PBX1: variants seen among roughly 807,000 people sequenced by gnomAD.
PBX1 encodes the protein PBX homeobox 1.
Under a neutral mutation model 53.4 loss-of-function variants are expected in PBX1, and 6 were observed. The observed-to-expected ratio is 0.11, with a 90% CI of 0.06 to 0.22. The LOEUF is 0.22. Among genes scored for constraint, PBX1 ranks in the 10% least tolerant of loss-of-function variants. The pLI is 1.00. For synonymous variants in PBX1, 204 were observed against 212.3 expected (o/e 0.96, Z 0.34); for missense variants, 251 against 551.4 (o/e 0.46, Z 5.46).
chr1:164,799,739 G>A lies in PBX1; in HGVS notation c.551G>A (p.Arg184Gln). 6.2e-7 allele frequency: 1 copy of A among 1,613,984 alleles called. No individual in the cohort carries two copies. Among genetic ancestry groups the A allele is most frequent in the Non-Finnish European group, 8.5e-7 (1 of 1,179,882 alleles). ...EFTTHVMNLL[R>Q]EQSRTRPISP... is the part of the protein sequence containing the mutation. ...ACCACCCACGTGATGAATCTCCTGC[G>A]AGAGCAAAGCCGGACCAGGCCCATC... Residue 184 changes from arginine (R) to glutamine (Q), a missense_variant, in exon 4 of 9, where the codon CGA becomes CAA. Arg to Gln is a conservative substitution (Grantham distance 43). Coordinates refer to ENST00000420696, the MANE Select transcript of PBX1 (RefSeq NM_002585.4).
At chr1:164,758,267 T>G (rs1666630488) in intron 2 of PBX1, among the ~76,000 whole-genome samples, 1 of 152,222 alleles carries the variant, frequency 6.6e-6, no homozygotes, top group Non-Finnish European at 1.5e-5. Context: ...AATGGTTGTT[T>G]CAGACAACCA....
At chr1:164,799,560 G>A (rs985176884) in intron 3 of PBX1, 139 bp from the exon 4 acceptor site, 2 of 596,256 alleles carry the variant, frequency 3.4e-6, no homozygotes, top group African/African-American at 1.8e-5. Context: ...GGGGCTGAAA[G>A]GGACGTCTAC....
rs563362778 is a variant in PBX1 at position 164,640,564 on chromosome 1, T to G, written c.265+77253T>G. Among the ~76,000 whole-genome samples, 20 of 148,800 alleles carry G rather than the reference T, an allele frequency of 1.3e-4. No individual in the cohort carries two copies. The South Asian group carries it at 3.6e-3, about 27-fold the overall frequency. ...TTTGGTGTTTTTTTTTTGTGTTTTT[T>G]TTTTTTTTTTTAGACGAAATTTTGC... On this transcript the variant is annotated intron_variant, in intron 2 of 8. Transcript: ENST00000420696.
chr1:164,769,202 T>G (rs1379537677), intron 2 of PBX1: 2 of 152,184 alleles, frequency 1.3e-5, no homozygotes, highest in Non-Finnish European at 2.9e-5. Context: ...CTTAAAGCTT[T>G]AGAGTGGATC....
intron 2 of PBX1, among the ~76,000 whole-genome samples, chr1:164,735,072 A>T (rs1441412375): frequency 6.6e-6 from 1 of 152,246 alleles, no homozygotes; most frequent in East Asian, 1.9e-4. Flanking sequence ...TATACTGCGT[A>T]AGCTATAGTG....
intron 2 of PBX1, 56 bp from the exon 3 acceptor site, chr1:164,792,430 GTTGTGTTT>G (rs1408036938): frequency 6.3e-7 from 1 of 1,587,830 alleles, no homozygotes; most frequent in African/African-American, 1.3e-5. Context: ...ACACAAATGT[GTTGTGTTT>G]TTTATTTTCT....
At chr1:164,738,621 T>C (rs1023523045) in intron 2 of PBX1, among the ~76,000 whole-genome samples, 5 of 152,212 alleles carry the variant, frequency 3.3e-5, no homozygotes, top group African/African-American at 1.2e-4. Flanking sequence ...TTTTCCACAG[T>C]GGTTATGCCT....
intron 2 of PBX1, among the ~76,000 whole-genome samples, chr1:164,693,920 A>G (rs1342579859): frequency 6.6e-6 from 1 of 152,088 alleles, no homozygotes; most frequent in Non-Finnish European, 1.5e-5. Flanking sequence ...GGTTCCTTCT[A>G]TGGGCCATAT....
chr1:164,840,031 G>A (rs746083283), intron 8 of PBX1, among the ~76,000 whole-genome samples: 32 of 152,232 alleles, frequency 2.1e-4, no homozygotes, highest in Admixed American at 3.3e-4. Flanking sequence ...TAGTTGGTGA[G>A]CTGAGGTTCC....
At chr1:164,725,011 G>A (rs1664624558) in intron 2 of PBX1, among the ~76,000 whole-genome samples, 1 of 152,074 alleles carries the variant, frequency 6.6e-6, no homozygotes, top group African/African-American at 2.4e-5. Flanking sequence ...GATGGATGCT[G>A]TGGTATCATA....
chr1:164,793,168 G>T (rs1486084086), intron 3 of PBX1, among the ~76,000 whole-genome samples: 1 of 152,106 alleles, frequency 6.6e-6, no homozygotes, highest in Non-Finnish European at 1.5e-5. Context: ...TTATCAGGAG[G>T]CCTATACTTT....
chr1:164,734,958 T>G (rs374185762), intron 2 of PBX1, among the ~76,000 whole-genome samples: 37 of 152,302 alleles, frequency 2.4e-4, no homozygotes, highest in African/African-American at 8.2e-4. Flanking sequence ...CAAAGAATAC[T>G]CCAAATGCTT....
chr1:164,648,122 G>C (rs1240097317), intron 2 of PBX1, among the ~76,000 whole-genome samples: 1 of 152,130 alleles, frequency 6.6e-6, no homozygotes, highest in Non-Finnish European at 1.5e-5. Context: ...GCCCACCCCA[G>C]CTTTTGTGTT....
chr1:164,788,292 C>G (rs146012542), intron 2 of PBX1, among the ~76,000 whole-genome samples: 2 of 152,236 alleles, frequency 1.3e-5, no homozygotes, highest in East Asian at 3.9e-4. Flanking sequence ...CATTTTGTCT[C>G]CTACTCACCA....
chr1:164,773,757 G>A (rs1399872262), intron 2 of PBX1, among the ~76,000 whole-genome samples: 2 of 152,166 alleles, frequency 1.3e-5, no homozygotes, highest in Non-Finnish European at 2.9e-5. Context: ...TGGAGTCTCT[G>A]CTCTCTCCAA....
At chr1:164,600,259 T>TG (rs1223322230) in intron 2 of PBX1, among the ~76,000 whole-genome samples, 19 of 61,640 alleles carry the variant, frequency 3.1e-4, no homozygotes, top group Admixed American at 2.2e-3. Flanking sequence ...TTTTTTTTTT[T>TG]TTTTTTTTTT....
chr1:164,695,323 C>T (rs1310816133), intron 2 of PBX1, among the ~76,000 whole-genome samples: 1 of 152,150 alleles, frequency 6.6e-6, no homozygotes, highest in Non-Finnish European at 1.5e-5. Flanking sequence ...ACCTTGTGAT[C>T]TAGTCCTTGC....
chr1:164,718,439 G>A (rs2102097211), intron 2 of PBX1, among the ~76,000 whole-genome samples: 1 of 152,296 alleles, frequency 6.6e-6, no homozygotes, highest in Admixed American at 6.5e-5. Flanking sequence ...TCACTAATGG[G>A]CGTTGTTCCC....
At chr1:164,768,393 G>T (rs1449110484) in intron 2 of PBX1, among the ~76,000 whole-genome samples, 1 of 152,192 alleles carries the variant, frequency 6.6e-6, no homozygotes, top group Non-Finnish European at 1.5e-5. Context: ...CACAGGGCCT[G>T]CAAAGCAATC....
Sources: gnomAD v4.1 joint callset for allele counts (sites outside exome capture counted in the v4.1 genomes callset) on GRCh38, gnomAD v4.1.1 for gene constraint, MANE v1.5 for transcripts, NCBI Gene and HGNC (gene_info 2026-07-23, HGNC 2026-07-21) for gene names.